Variants in PHACTR4 observed in about 807,000 individuals in gnomAD.
The protein encoded by PHACTR4 is phosphatase and actin regulator 4.
In PHACTR4, 51 loss-of-function variants were observed where a neutral mutation model predicts 72.7. The ratio of observed to expected loss-of-function variants is 0.70; its 90% CI spans 0.56 to 0.89. The LOEUF (loss-of-function observed/expected upper bound fraction) is 0.89, where lower values mean the gene tolerates loss of function less well. Ranked by LOEUF, PHACTR4 falls within the 40% of genes least tolerant of loss-of-function variation. The pLI, the probability that PHACTR4 is intolerant of heterozygous loss-of-function variation, is 0.00. For synonymous variants in PHACTR4, 255 were observed against 302.5 expected, an observed-to-expected ratio of 0.84 and a Z score of 1.63; for missense variants, 731 against 861.8, an observed-to-expected ratio of 0.85 and a Z score of 1.90.
At position 28,466,419 on chromosome 1, in the gene PHACTR4, T is replaced by A; in HGVS notation, c.474T>A (p.Ser158=). The change falls in exon 6 of 14, where the codon TCT becomes TCA. Residue 158 remains serine (S), a synonymous_variant. Transcript: ENST00000373839. ...GCCAGCCTAATTCTGAAGCAGAGTCTGTTCCTGAGAATGTACCCAAACCAC... is the reference window on the plus strand; with the variant it reads ...GCCAGCCTAATTCTGAAGCAGAGTCAGTTCCTGAGAATGTACCCAAACCAC... ...TGSQPNSEAE[S]VPENVPKPPL... is the part of the protein sequence containing the mutation. 1 of 1,613,710 alleles carries A rather than the reference T, an allele frequency of 6.2e-7. No individual in the cohort carries two copies. Among genetic ancestry groups the A allele is most frequent in the Non-Finnish European group, 8.5e-7 (1 of 1,179,614 alleles).
At chr1:28,421,665 A>C (rs1242298215) in intron 2 of PHACTR4, among the ~76,000 whole-genome samples, 1 of 152,200 alleles carries the variant, frequency 6.6e-6, no homozygotes, top group Non-Finnish European at 1.5e-5. Context: ...TTCCCCGCAC[A>C]GGGTGAGTCA....
intron 1 of PHACTR4, among the ~76,000 whole-genome samples, chr1:28,390,452 G>A (rs1310652902): frequency 1.3e-5 from 2 of 152,192 alleles, no homozygotes; most frequent in African/African-American, 4.8e-5. Context: ...TGGGTAAACT[G>A]TAGACCAAGG....
chr1:28,481,918 G>T (rs935673610), intron 9 of PHACTR4, among the ~76,000 whole-genome samples: 28 of 152,084 alleles, frequency 1.8e-4, no homozygotes, highest in South Asian at 2.1e-4. Context: ...TTATTTTTGA[G>T]ATGGAGCCTC....
At chr1:28,450,812 C>T (rs1195983258) in intron 2 of PHACTR4, among the ~76,000 whole-genome samples, 3 of 149,872 alleles carry the variant, frequency 2.0e-5, no homozygotes, top group African/African-American at 5.0e-5. Flanking sequence ...GTGTGGTTTT[C>T]GTTTTGTTTT....
chr1:28,471,939 C>T (rs35950280), intron 6 of PHACTR4, among the ~76,000 whole-genome samples: 14,436 of 151,866 alleles, frequency 0.095, 1,524 homozygotes, highest in African/African-American at 0.26. Context: ...AGGCCGGGCG[C>T]GGTGGCTCAC....
intron 2 of PHACTR4, among the ~76,000 whole-genome samples, chr1:28,428,853 G>C (rs1232976738): frequency 6.6e-6 from 1 of 152,174 alleles, no homozygotes. Flanking sequence ...ATAACTCTAT[G>C]AGCAGTTTTC....
chr1:28,425,942 C>T (rs1011146864), intron 2 of PHACTR4, among the ~76,000 whole-genome samples: 16 of 152,122 alleles, frequency 1.1e-4, no homozygotes, highest in Admixed American at 3.3e-4. Flanking sequence ...TCAACTGGGC[C>T]GGGCACGGTG....
intron 6 of PHACTR4, among the ~76,000 whole-genome samples, chr1:28,470,690 C>T (rs1659505117): frequency 6.6e-6 from 1 of 151,162 alleles, no homozygotes; most frequent in African/African-American, 2.4e-5. Flanking sequence ...GAGACCCTGT[C>T]TAAAATAAAT....
intron 1 of PHACTR4, among the ~76,000 whole-genome samples, chr1:28,402,646 C>A (rs1315943257): frequency 2.0e-5 from 3 of 152,098 alleles, no homozygotes; most frequent in African/African-American, 7.2e-5. Flanking sequence ...GGTGCTGTGG[C>A]TCACCATATA....
chr1:28,445,036 A>C (rs1657348807), intron 2 of PHACTR4, among the ~76,000 whole-genome samples: 1 of 150,678 alleles, frequency 6.6e-6, no homozygotes, highest in African/African-American at 2.4e-5. Context: ...GCTCACTGCA[A>C]CCTCCACCTC....
chr1:28,392,766 G>A lies in PHACTR4; in HGVS notation c.-38-14644G>A, dbSNP rs572942060. Among the ~76,000 whole-genome samples the A allele has an allele frequency of 3.5e-4, 53 of 152,026 alleles. No homozygotes were observed. In the South Asian group the frequency reaches 0.011, roughly 30 times the overall value. On this transcript the variant is annotated intron_variant, in intron 1 of 13. Transcript: ENST00000373839. ...CTTACTAAGGAAAAAAAAATCTTAT[G>A]CCAAGATTGCTAAAATCTATAGTAA...
At position 28,487,717 on chromosome 1, in the gene PHACTR4, G is replaced by GTTTTTTTTT. The variant is rs1320016675; in HGVS notation, c.1761-1447_1761-1446insTTTTTTTTT. On this transcript the variant is annotated intron_variant, in intron 9 of 13. Transcript: ENST00000373839. ...CTGATTTCAAAAATGACAAATTGTA[G>GTTTTTTTTT]TTTTTTGTTGTTTTTTTTTTTTTTT... 5.7e-4 allele frequency among the ~76,000 whole-genome samples: 58 copies of GTTTTTTTTT among 102,448 alleles called. 6 individuals carry two copies. The highest frequency in any genetic ancestry group is 2.3e-3 in the African/African-American group (57 of 24,648). 67.2% of individuals were successfully genotyped at this position (102,448 alleles called of 152,430 possible). A position where few individuals can be genotyped will look rare whatever the true frequency, so the allele number is the denominator to read the frequency against.
At chr1:28,467,000 G>A (rs1265831762) in intron 6 of PHACTR4, 4 of 473,312 alleles carry the variant, frequency 8.5e-6, no homozygotes, top group East Asian at 4.1e-5. Context: ...GGATCACAAG[G>A]TCAGGAGATT....
chr1:28,447,002 T>TTTTATTTATTTATTTA (rs760091619), intron 2 of PHACTR4, among the ~76,000 whole-genome samples: 7,904 of 150,678 alleles, frequency 0.052, 724 homozygotes, highest in African/African-American at 0.18. Context: ...AGGTATTTCT[T>TTTTATTTATTTATTTA]TTTATTTATT....
intron 2 of PHACTR4, among the ~76,000 whole-genome samples, chr1:28,434,027 C>T (rs1656469550): frequency 6.6e-6 from 1 of 152,070 alleles, no homozygotes; most frequent in Non-Finnish European, 1.5e-5. Context: ...ATCCGCCCAC[C>T]TTGGCCTCCC....
intron 2 of PHACTR4, among the ~76,000 whole-genome samples, chr1:28,423,320 G>T (rs921105118): frequency 5.3e-5 from 8 of 152,024 alleles, no homozygotes; most frequent in Admixed American, 2.6e-4. Flanking sequence ...GAGATGGGAG[G>T]ATTGTTTAAG....
intron 2 of PHACTR4, among the ~76,000 whole-genome samples, chr1:28,449,440 A>T (rs1420268791): frequency 1.3e-5 from 2 of 152,178 alleles, no homozygotes; most frequent in Non-Finnish European, 2.9e-5. Flanking sequence ...GTTTTATCTC[A>T]TATCTCCATC....
At chr1:28,398,246 C>G (rs144404406) in intron 1 of PHACTR4, among the ~76,000 whole-genome samples, 1 of 151,842 alleles carries the variant, frequency 6.6e-6, no homozygotes, top group Admixed American at 6.6e-5. Context: ...GGTGGCTGGC[C>G]GGGGTGGCTC....
At position 28,465,825 on chromosome 1, in the gene PHACTR4, G is replaced by T; in HGVS notation, c.412G>T (p.Glu138Ter). Residue 138 changes from glutamate (E) to a stop codon, truncating the protein, a stop_gained, in exon 5 of 14, where the codon GAA (glutamate) becomes TAA (stop). Coordinates refer to ENST00000373839, the MANE Select transcript of PHACTR4 (RefSeq NM_001048183.3). LOFTEE classifies it high-confidence loss of function. Reference protein sequence around the residue: ...RLASLRKAIPEEDLKKRLGST... With the variant: ...RLASLRKAIP ...AGCAAGTCTTAGGAAAGCTATTCCA[G>T]AAGAGGACCTAAAGAAACGACTAGG... The T allele has an allele frequency of 6.2e-7, 1 of 1,610,110 alleles. No individual in the cohort carries two copies. Among genetic ancestry groups the T allele is most frequent in the Non-Finnish European group, 8.5e-7 (1 of 1,178,560 alleles).
Sources: gnomAD v4.1 joint callset for allele counts (sites outside exome capture counted in the v4.1 genomes callset) on GRCh38, gnomAD v4.1.1 for gene constraint, MANE v1.5 for transcripts, NCBI Gene and HGNC (gene_info 2026-07-23, HGNC 2026-07-21) for gene names.